PHLDB2: variants seen among roughly 807,000 people sequenced by gnomAD.
PHLDB2 encodes pleckstrin homology-like domain family B member 2.
A neutral mutation model predicts 123.6 loss-of-function variants in PHLDB2; 71 were observed. The ratio of observed to expected loss-of-function variants is 0.57; its 90% CI spans 0.47 to 0.70. PHLDB2 has a LOEUF of 0.70. Ranked by LOEUF, PHLDB2 falls within the 30% of genes least tolerant of loss-of-function variation. The pLI, the probability that PHLDB2 is intolerant of heterozygous loss-of-function variation, is 0.00. For synonymous variants in PHLDB2, 547 were observed against 541.6 expected (o/e 1.01, Z -0.14); for missense variants, 1,446 against 1,519.5 (o/e 0.95, Z 0.80).
chr3:111,971,153 A>T (rs575028714), intron 16 of PHLDB2, among the ~76,000 whole-genome samples: 152 of 152,340 alleles, frequency 1.0e-3, no homozygotes, highest in African/African-American at 3.5e-3. Flanking sequence ...TTCTTCAGTT[A>T]ATACAATTTG....
chr3:111,784,659 AAAGAT>A (rs1174797801), intron 1 of PHLDB2, among the ~76,000 whole-genome samples: 1 of 152,206 alleles, frequency 6.6e-6, no homozygotes, highest in African/African-American at 2.4e-5. Flanking sequence ...TTCAGAACAT[AAAGAT>A]AAGAAAAAGT....
chr3:111,742,625 A>G (rs1184321328), intron 1 of PHLDB2, among the ~76,000 whole-genome samples: 2 of 152,168 alleles, frequency 1.3e-5, no homozygotes, highest in Non-Finnish European at 2.9e-5. Context: ...CCATGTCCCT[A>G]CAAAGGATAT....
At chr3:111,802,183 G>A (rs2061403295) in intron 1 of PHLDB2, among the ~76,000 whole-genome samples, 1 of 152,228 alleles carries the variant, frequency 6.6e-6, no homozygotes, top group Non-Finnish European at 1.5e-5. Context: ...CTACTGCACA[G>A]AAAACTGCAG....
intron 15 of PHLDB2, among the ~76,000 whole-genome samples, chr3:111,968,226 G>A (rs1185438963): frequency 6.6e-6 from 1 of 152,114 alleles, no homozygotes; most frequent in South Asian, 2.1e-4. Context: ...AATGGAAGAG[G>A]TCCTACTAAG....
chr3:111,810,771 T>A (rs2061801381), intron 1 of PHLDB2, among the ~76,000 whole-genome samples: 1 of 152,220 alleles, frequency 6.6e-6, no homozygotes, highest in Admixed American at 6.5e-5. Flanking sequence ...AACACATTTT[T>A]AAAAATATGT....
intron 2 of PHLDB2, among the ~76,000 whole-genome samples, chr3:111,846,818 C>T (rs2064013439): frequency 6.6e-6 from 1 of 152,100 alleles, no homozygotes; most frequent in South Asian, 2.1e-4. Flanking sequence ...GGGAATTCTG[C>T]AATCTGTAGG....
At chr3:111,764,175 G>A (rs544691963) in intron 1 of PHLDB2, among the ~76,000 whole-genome samples, 1 of 152,252 alleles carries the variant, frequency 6.6e-6, no homozygotes, top group Admixed American at 6.5e-5. Flanking sequence ...TTACCTCATA[G>A]GGCTACAGGG....
chr3:111,926,589 A>G (rs2068824208), intron 5 of PHLDB2, among the ~76,000 whole-genome samples: 1 of 56,282 alleles, frequency 1.8e-5, no homozygotes, highest in African/African-American at 3.3e-5. Flanking sequence ...CTGACTTTCT[A>G]GTTTTTTTTT....
intron 1 of PHLDB2, among the ~76,000 whole-genome samples, chr3:111,808,032 T>TA (rs1467369113): frequency 6.6e-6 from 1 of 150,840 alleles, no homozygotes; most frequent in Non-Finnish European, 1.5e-5. Context: ...TGGGGAGTGT[T>TA]AAAAATTACC....
chr3:111,853,768 C>T (rs1559868676), intron 2 of PHLDB2, among the ~76,000 whole-genome samples: 2 of 151,950 alleles, frequency 1.3e-5, no homozygotes, highest in Admixed American at 6.6e-5. Flanking sequence ...CCAGCTACTC[C>T]AGAGGCTGAA....
rs1200171841 is a variant in PHLDB2 at position 111,732,592 on chromosome 3, G to C, written c.-160G>C. ...GAAAAGGAGAAACCTGTGTTAATGT[G>C]TCTTCCCAACATCCCACTCTCTTCA... On this transcript the variant is annotated 5_prime_UTR_variant, in exon 1 of 18. Coordinates refer to the PHLDB2 transcript ENST00000393923. 2.0e-6 allele frequency: 3 copies of C among 1,524,240 alleles called. No homozygotes were observed. In the African/African-American group the frequency reaches 4.1e-5, roughly 21 times the overall value. 94.4% of individuals were successfully genotyped at this position (1,524,240 alleles called of 1,614,324 possible).
intron 1 of PHLDB2, among the ~76,000 whole-genome samples, chr3:111,747,958 G>A (rs1324376138): frequency 1.3e-5 from 2 of 152,154 alleles, no homozygotes; most frequent in Non-Finnish European, 2.9e-5. Flanking sequence ...TGGATGCGCT[G>A]GAGCTTCTGG....
intron 1 of PHLDB2, among the ~76,000 whole-genome samples, chr3:111,839,656 TTTC>T (rs1462340720): frequency 1.3e-5 from 2 of 152,206 alleles, no homozygotes; most frequent in East Asian, 3.8e-4. Flanking sequence ...AATCGATTTT[TTTC>T]TTTTTTAATT....
chr3:111,899,387 C>A (rs1168438601), intron 2 of PHLDB2, among the ~76,000 whole-genome samples: 2 of 152,064 alleles, frequency 1.3e-5, no homozygotes, highest in Non-Finnish European at 2.9e-5. Context: ...AGGTATTAAG[C>A]CTGGCATGCA....
intron 16 of PHLDB2, among the ~76,000 whole-genome samples, chr3:111,972,036 A>C (rs1163490624): frequency 1.3e-5 from 2 of 152,222 alleles, no homozygotes; most frequent in African/African-American, 4.8e-5. Context: ...TGTGAGGCTT[A>C]TATTTTTCAG....
chr3:111,954,150 A>G, intron 12 of PHLDB2, 121 bp downstream of exon 12: 1 of 767,506 alleles, frequency 1.3e-6, no homozygotes. Flanking sequence ...GCCTAATTTT[A>G]CTCTTAATGT....
intron 1 of PHLDB2, among the ~76,000 whole-genome samples, chr3:111,831,794 G>A (rs1047829545): frequency 1.3e-5 from 2 of 152,118 alleles, no homozygotes; most frequent in East Asian, 3.8e-4. Flanking sequence ...ATGTAAATAA[G>A]TTTAAGGTGG....
chr3:111,732,756 G>A (rs3821919), intron 1 of PHLDB2: 1 of 1,435,044 alleles, frequency 7.0e-7, no homozygotes, highest in Non-Finnish European at 9.5e-7. Context: ...AAAATGAGCA[G>A]CATATACAGC....
chr3:111,884,860 A>T lies in PHLDB2; in HGVS notation c.783A>T (p.Arg261Ser). Residue 261 changes from arginine (R) to serine (S), a missense_variant, in exon 2 of 18, where the codon AGA becomes AGT. Around this residue, in one of 3 missense-constraint regions of PHLDB2, gnomAD observed 832 missense variants for 831.9 expected, o/e 1.00. Transcript: ENST00000431670. ...GCCGATCACTTCCCAGGTTGTACAG[A>T]GCCACAGAGAACCAGCTGACACCTC... ...AYSRSLPRLY[R>S]ATENQLTPLS... The T allele has an allele frequency of 6.2e-7, 1 of 1,614,192 alleles. No homozygotes were observed. The highest frequency in any genetic ancestry group is 1.1e-5 in the South Asian group (1 of 91,084).
Sources: allele counts gnomAD v4.1 joint callset (sites outside exome capture counted in the v4.1 genomes callset), GRCh38; gene constraint gnomAD v4.1.1; regional missense constraint gnomAD v4.1.1; transcripts MANE v1.5; gene names NCBI Gene and HGNC (gene_info 2026-07-23, HGNC 2026-07-21).